The following SERPINB2 variants were observed in gnomAD, a reference collection of about 807,000 sequenced individuals.
SERPINB2 encodes the protein plasminogen activator inhibitor 2.
Under a neutral mutation model 39.4 loss-of-function variants are expected in SERPINB2, and 28 were observed. The observed-to-expected ratio is 0.71, with a 90% CI of 0.53 to 0.97. The LOEUF is 0.97. Among genes scored for constraint, SERPINB2 ranks in the 50% least tolerant of loss-of-function variants. The pLI, the probability that SERPINB2 is intolerant of heterozygous loss-of-function variation, is 0.00. For synonymous variants in SERPINB2, 209 were observed against 175.1 expected, an observed-to-expected ratio of 1.19 and a Z score of -1.53; for missense variants, 557 against 505.3, an observed-to-expected ratio of 1.10 and a Z score of -0.98.
chr18:63,900,405 C>T (rs889523795), intron 5 of SERPINB2, among the ~76,000 whole-genome samples: 1 of 152,130 alleles, frequency 6.6e-6, no homozygotes, highest in African/African-American at 2.4e-5. Context: ...TGGCTTCACC[C>T]AGGAAAGTAT....
At chr18:63,890,294 C>A (rs2049917574) in intron 1 of SERPINB2, among the ~76,000 whole-genome samples, 1 of 152,102 alleles carries the variant, frequency 6.6e-6, no homozygotes, top group Non-Finnish European at 1.5e-5. Context: ...CTGTGTGAGA[C>A]CACAGGTGTA....
intron 5 of SERPINB2, among the ~76,000 whole-genome samples, chr18:63,898,334 T>C (rs1403963851): frequency 6.6e-6 from 1 of 152,226 alleles, no homozygotes; most frequent in African/African-American, 2.4e-5. Context: ...GCTTCATCCC[T>C]CCTTGATTAT....
Position 63,901,825 on chromosome 18 carries a change from G to A in SERPINB2, c.621G>A (p.Lys207=). The A allele has an allele frequency of 6.2e-7, 1 of 1,604,462 alleles. No homozygotes were observed. The highest frequency in any genetic ancestry group is 8.5e-7 in the Non-Finnish European group (1 of 1,177,322). ...TGAATGCTGTCTACTTCAAAGGAAA[G>A]TGGAAAACTCCATTTGAGAAGAAAC... ...VLVNAVYFKG[K]WKTPFEKKLN... The change falls in exon 6 of 8, where the codon AAG becomes AAA. Residue 207 remains lysine, a synonymous_variant. Transcript: ENST00000299502.
chr18:63,902,632 T>A, intron 7 of SERPINB2, 64 bp downstream of exon 7: 1 of 1,357,518 alleles, frequency 7.4e-7, no homozygotes, highest in Non-Finnish European at 1.0e-6. Context: ...GAGATGAATA[T>A]ATACTCCTTA....
intron 5 of SERPINB2, among the ~76,000 whole-genome samples, chr18:63,899,678 T>G (rs2049980741): frequency 1.3e-5 from 2 of 152,198 alleles, no homozygotes; most frequent in African/African-American, 4.8e-5. Flanking sequence ...CAGGGTTGCT[T>G]CTTCTTCTGA....
chr18:63,891,759 T>C (rs1254014015), intron 2 of SERPINB2, 147 bp downstream of exon 2: 1 of 818,856 alleles, frequency 1.2e-6, no homozygotes, highest in East Asian at 2.7e-5. Context: ...CAACACAAAT[T>C]CCTTAGATTC....
At chr18:63,893,697 A>C (rs777108807) in intron 2 of SERPINB2, among the ~76,000 whole-genome samples, 11 of 152,260 alleles carry the variant, frequency 7.2e-5, no homozygotes, top group Non-Finnish European at 1.3e-4. Context: ...AATGTGTAGC[A>C]TGCAAGAAAG....
chr18:63,898,224 A>G (rs1392397362), intron 5 of SERPINB2, among the ~76,000 whole-genome samples: 1 of 152,192 alleles, frequency 6.6e-6, no homozygotes, highest in Non-Finnish European at 1.5e-5. Flanking sequence ...AGCTATAAAG[A>G]ATACAGGCAG....
In SERPINB2 at chr18:63,903,598, A is replaced by G. The variant is rs548694558; in HGVS notation, c.*293A>G. On this transcript the variant is annotated 3_prime_UTR_variant, in exon 8 of 8. Transcript: ENST00000299502. ...TTTACTTTGTTATTTATTATTTTAT[A>G]TAATGGTGAGTTTTTAAATTATTGC... is the stretch of plus-strand genomic sequence containing the variant. 8 of 187,326 alleles carry G rather than the reference A, an allele frequency of 4.3e-5. No individual in the cohort carries two copies. The highest frequency in any genetic ancestry group is 1.2e-4 in the Admixed American group (2 of 16,250). The allele number at this position is 187,326 out of a possible 1,614,324, so 11.6% of individuals were successfully genotyped here. A position where few individuals can be genotyped will look rare whatever the true frequency, so the allele number is the denominator to read the frequency against.
In SERPINB2 at chr18:63,903,095, G is replaced by A. The variant is rs776995084; in HGVS notation, c.1038G>A (p.Arg346=). 2 of 1,613,606 alleles carry A rather than the reference G, an allele frequency of 1.2e-6. No homozygotes were observed. The highest frequency in any genetic ancestry group is 1.7e-6 in the Non-Finnish European group (2 of 1,179,792). ...GRANFSGMSE[R]NDLFLSEVFH... Reference sequence around the variant, plus strand: ...CCAATTTCTCAGGGATGTCGGAGAGGAATGACCTGTTTCTTTCTGAAGTGT... The same window carrying A: ...CCAATTTCTCAGGGATGTCGGAGAGAAATGACCTGTTTCTTTCTGAAGTGT... The change falls in exon 8 of 8, where the codon AGG becomes AGA. Residue 346 remains arginine (R), a synonymous_variant. Transcript: ENST00000299502.
chr18:63,902,456 G>A lies in SERPINB2; in HGVS notation c.731G>A (p.Gly244Glu), dbSNP rs547272442. 5.6e-6 allele frequency: 9 copies of A among 1,613,478 alleles called. No individual in the cohort carries two copies. In the South Asian group the frequency reaches 9.9e-5, roughly 18 times the overall value. ...TACTTGCGTGAAAAGCTAAACATTG[G>A]ATACATAGAAGACCTAAAGGCTCAG... ...MMYLREKLNIGYIEDLKAQIL... is the reference protein window; with the variant it reads ...MMYLREKLNIEYIEDLKAQIL... Residue 244 changes from glycine to glutamate, a missense_variant, in exon 7 of 8, where the codon GGA becomes GAA. Transcript: ENST00000299502.
rs2049939836 is a variant in SERPINB2, at chr18:63,893,460, A to G, written c.169-1804A>G. On this transcript the variant is annotated intron_variant, in intron 2 of 7. Transcript: ENST00000299502. ...TTTTTTTTTTTGAGACTCTATATAT[A>G]TCGTCTTTTGACAACTCTGTTGCAT... Among the ~76,000 whole-genome samples the G allele has an allele frequency of 2.0e-5, 3 of 151,762 alleles. No homozygotes were observed. In the South Asian group the frequency reaches 6.2e-4, roughly 32 times the overall value.
chr18:63,902,614 C>T (rs374978768), intron 7 of SERPINB2, 46 bp downstream of exon 7: 16 of 1,498,512 alleles, frequency 1.1e-5, no homozygotes, highest in East Asian at 2.3e-5. Flanking sequence ...ACCTACCTTT[C>T]GTGAGATGAG....
At position 63,903,290 on chromosome 18, in the gene SERPINB2, A is replaced by G. The variant is rs2050006819; in HGVS notation, c.1233A>G (p.Arg411=). 1.3e-6 allele frequency: 2 copies of G among 1,530,334 alleles called. No homozygotes were observed. The highest frequency in any genetic ancestry group is 2.1e-5 in the Admixed American group (1 of 46,890). 94.8% of individuals were successfully genotyped at this position (1,530,334 alleles called of 1,614,324 possible). A position where few individuals can be genotyped will look rare whatever the true frequency, so the allele number is the denominator to read the frequency against. Residue 411 remains arginine, a synonymous_variant, in exon 8 of 8, where the codon AGA becomes AGG. Transcript: ENST00000299502. ...KITNCILFFG[R]FSSP ...CCAACTGCATTTTATTTTTCGGCAG[A>G]TTTTCCTCACCCTAAAACTAAGCGT...
chr18:63,892,170 G>A (rs888060043), intron 2 of SERPINB2, among the ~76,000 whole-genome samples: 3 of 151,904 alleles, frequency 2.0e-5, no homozygotes, highest in Admixed American at 1.3e-4. Context: ...TGCATGGATA[G>A]TGTTGTAGCT....
chr18:63,888,502 C>T (rs1035524479), intron 1 of SERPINB2, among the ~76,000 whole-genome samples: 2 of 152,226 alleles, frequency 1.3e-5, no homozygotes, highest in African/African-American at 4.8e-5. Context: ...GTTGTTTTCT[C>T]TTAGTTCTCA....
chr18:63,901,656 A>C (rs749429264), intron 5 of SERPINB2, 84 bp from the exon 6 acceptor site: 3 of 945,690 alleles, frequency 3.2e-6, no homozygotes, highest in Non-Finnish European at 4.4e-6. Flanking sequence ...TGAAGAATTT[A>C]GTTTGATGGC....
intron 1 of SERPINB2, 55 bp from the exon 2 acceptor site, chr18:63,891,381 C>T (rs2049924622): frequency 6.3e-7 from 1 of 1,590,410 alleles, no homozygotes; most frequent in African/African-American, 1.3e-5. Context: ...TGACCTCACC[C>T]AAAATGTTAC....
chr18:63,891,472 C>T lies in SERPINB2; in HGVS notation c.28C>T (p.Leu10Phe), dbSNP rs760686061. Reference sequence around the variant, plus strand: ...GGAGGATCTTTGTGTGGCAAACACACTCTTTGCCCTCAATTTATTCAAGCA... The same window carrying T: ...GGAGGATCTTTGTGTGGCAAACACATTCTTTGCCCTCAATTTATTCAAGCA... MEDLCVANT[L>F]FALNLFKHLA... The change falls in exon 2 of 8, where the codon CTC (leucine) becomes TTC (phenylalanine). Residue 10 changes from leucine (L) to phenylalanine (F), a missense_variant. Leu to Phe is a conservative substitution (Grantham distance 22). Coordinates refer to ENST00000299502, the MANE Select transcript of SERPINB2 (RefSeq NM_002575.3). 4 of 1,614,040 alleles carry T rather than the reference C, an allele frequency of 2.5e-6. No homozygotes were observed. The highest frequency in any genetic ancestry group is 1.3e-5 in the African/African-American group (1 of 74,930).
Sources: allele counts gnomAD v4.1 joint callset (sites outside exome capture counted in the v4.1 genomes callset), GRCh38; gene constraint gnomAD v4.1.1; transcripts MANE v1.5; gene names NCBI Gene and HGNC (gene_info 2026-07-23, HGNC 2026-07-21).